The following NTAQ1 variants were observed in gnomAD, a reference collection of about 807,000 sequenced individuals.
NTAQ1 encodes N-terminal glutamine amidase 1.
In NTAQ1, 21 loss-of-function variants were observed where a neutral mutation model predicts 28.2. The observed-to-expected ratio is 0.74, with a 90% confidence interval of 0.53 to 1.07. The LOEUF (loss-of-function observed/expected upper bound fraction) is 1.07. Ranked by LOEUF, NTAQ1 falls within the 50% of genes least tolerant of loss-of-function variation. NTAQ1 has a pLI of 0.00. For missense variants in NTAQ1, 264 were observed against 256.6 expected (o/e 1.03, Z -0.20); for synonymous variants, 105 against 90.0 (o/e 1.17, Z -0.94).
At chr8:123,449,965 ATATATATAT>A (rs1472226554), downstream of NTAQ1, among the ~76,000 whole-genome samples, 150 of 58,586 alleles carry the variant, frequency 2.6e-3, 38 homozygotes, top group Admixed American at 5.8e-3. Flanking sequence ...ATATATATAT[ATATATATAT>A]GCTGGATAAA....
chr8:123,445,885 C>A (rs1403771822), downstream of NTAQ1, among the ~76,000 whole-genome samples: 1 of 151,974 alleles, frequency 6.6e-6, no homozygotes, highest in Non-Finnish European at 1.5e-5. Flanking sequence ...GGATTACAGG[C>A]GTGAGCCACC....
intron 6 of NTAQ1, among the ~76,000 whole-genome samples, chr8:123,463,933 T>C (rs1175775043): frequency 6.6e-6 from 1 of 152,152 alleles, no homozygotes; most frequent in African/African-American, 2.4e-5. Flanking sequence ...GGCATGTCTT[T>C]CCTGTGCTGT....
downstream of NTAQ1, among the ~76,000 whole-genome samples, chr8:123,450,014 G>A (rs1328300119): frequency 1.5e-5 from 2 of 133,500 alleles, no homozygotes; most frequent in African/African-American, 5.6e-5. Flanking sequence ...GAGAGATGTA[G>A]GATAGGAATA....
At chr8:123,431,166 C>T (rs975764525) in intron 3 of NTAQ1, among the ~76,000 whole-genome samples, 5 of 152,030 alleles carry the variant, frequency 3.3e-5, no homozygotes, top group Admixed American at 6.6e-5. Flanking sequence ...GGTAAAACCC[C>T]GTCTCTACTA....
intron 1 of NTAQ1, among the ~76,000 whole-genome samples, chr8:123,425,471 CTT>C (rs74275579): frequency 9.8e-5 from 14 of 143,172 alleles, no homozygotes; most frequent in Admixed American, 2.1e-4. Flanking sequence ...CACCCCCCCA[CTT>C]TTTTTTTTTT....
chr8:123,471,662 AAATT>A (rs1160666849), downstream of NTAQ1, among the ~76,000 whole-genome samples: 2 of 152,166 alleles, frequency 1.3e-5, no homozygotes, highest in Non-Finnish European at 2.9e-5. Flanking sequence ...AGACAGGAAA[AAATT>A]AATGTCCCAG....
At chr8:123,468,896 C>A (rs1586974822) in exon 7 of NTAQ1, among the ~76,000 whole-genome samples, 1 of 152,158 alleles carries the variant, frequency 6.6e-6, no homozygotes, top group Non-Finnish European at 1.5e-5. Context: ...TCCCTTCTTT[C>A]TTTTCATAGT....
intron 3 of NTAQ1, 25 bp downstream of exon 3, chr8:123,430,058 T>C: frequency 6.2e-7 from 1 of 1,600,982 alleles, no homozygotes; most frequent in South Asian, 1.1e-5. Flanking sequence ...ACAGAGAGTA[T>C]TGACGCATTA....
At chr8:123,440,769 G>T (rs1815016405) in intron 5 of NTAQ1, among the ~76,000 whole-genome samples, 1 of 152,080 alleles carries the variant, frequency 6.6e-6, no homozygotes, top group African/African-American at 2.4e-5. Context: ...CCAAAGTGCT[G>T]GGATTACAGG....
chr8:123,451,424 C>T (rs1409335081), downstream of NTAQ1, among the ~76,000 whole-genome samples: 1 of 152,140 alleles, frequency 6.6e-6, no homozygotes, highest in African/African-American at 2.4e-5. Context: ...CTGCAGCCTC[C>T]GCCTCCTGGA....
downstream of NTAQ1, among the ~76,000 whole-genome samples, chr8:123,444,797 C>T (rs1355875881): frequency 3.9e-5 from 6 of 152,208 alleles, no homozygotes; most frequent in East Asian, 5.8e-4. Context: ...GCGTGAGCCA[C>T]GGTGCCCAGC....
chr8:123,463,278 A>T (rs970970656), intron 6 of NTAQ1, among the ~76,000 whole-genome samples: 29 of 152,188 alleles, frequency 1.9e-4, no homozygotes, highest in African/African-American at 6.8e-4. Context: ...AATGATGTCT[A>T]ATATGTGGTC....
chr8:123,427,247 CTTTTT>C (rs33920843), intron 1 of NTAQ1, among the ~76,000 whole-genome samples: 5 of 81,600 alleles, frequency 6.1e-5, no homozygotes, highest in African/African-American at 4.9e-5. Context: ...ATGGTCAAAG[CTTTTT>C]TTTTTTTTTT....
chr8:123,429,805 G>A (rs529173961), intron 2 of NTAQ1, among the ~76,000 whole-genome samples, 178 bp from the exon 3 acceptor site: 14 of 151,438 alleles, frequency 9.2e-5, no homozygotes, highest in African/African-American at 1.7e-4. Context: ...GCTTGAACCC[G>A]GGAGGTGGAG....
At chr8:123,419,319 G>GA (rs1813523949) in intron 1 of NTAQ1, among the ~76,000 whole-genome samples, 1 of 151,960 alleles carries the variant, frequency 6.6e-6, no homozygotes, top group African/African-American at 2.4e-5. Context: ...GGCTGGTCTT[G>GA]AACTCCTGAC....
downstream of NTAQ1, among the ~76,000 whole-genome samples, chr8:123,449,613 C>T (rs1815410554): frequency 6.6e-6 from 1 of 151,888 alleles, no homozygotes; most frequent in Non-Finnish European, 1.5e-5. Context: ...CAATGAACTT[C>T]TACAATGTGT....
At chr8:123,423,598 C>T (rs1413970490) in intron 1 of NTAQ1, among the ~76,000 whole-genome samples, 6 of 152,034 alleles carry the variant, frequency 3.9e-5, no homozygotes, top group Non-Finnish European at 8.8e-5. Context: ...TCAGCTGTGA[C>T]TCCTTGTATT....
At chr8:123,475,359 G>T in the NTAQ1 span, among the ~76,000 whole-genome samples, 3 of 151,968 alleles carry the variant, frequency 2.0e-5, no homozygotes, top group South Asian at 6.2e-4. Context: ...TCCTTTTATT[G>T]GAAAATGGAC....
chr8:123,436,986 G>A (rs959874941), intron 4 of NTAQ1, among the ~76,000 whole-genome samples: 7 of 152,124 alleles, frequency 4.6e-5, no homozygotes, highest in African/African-American at 9.7e-5. Context: ...CGAGTAAATC[G>A]AGGCAACCAG....
Sources: allele counts gnomAD v4.1 joint callset (sites outside exome capture counted in the v4.1 genomes callset), GRCh38; gene constraint gnomAD v4.1.1; transcripts MANE v1.5; gene names NCBI Gene and HGNC (gene_info 2026-07-23, HGNC 2026-07-21).